Variants in RHEB observed in about 807,000 individuals in gnomAD.
The protein encoded by RHEB is GTP-binding protein Rheb.
A neutral mutation model predicts 28.8 loss-of-function variants in RHEB; 2 were observed. The ratio of observed to expected loss-of-function variants is 0.07; its 90% CI spans 0.03 to 0.22. RHEB has a LOEUF of 0.22. RHEB is among the 10% of genes least tolerant of loss of function. The pLI is 1.00. For synonymous variants in RHEB, 69 were observed against 77.3 expected (o/e 0.89, Z 0.56); for missense variants, 76 against 219.9 (o/e 0.35, Z 4.14).
chr7:151,497,081 C>T (rs1563097922), intron 1 of RHEB, among the ~76,000 whole-genome samples: 2 of 151,976 alleles, frequency 1.3e-5, no homozygotes, highest in Non-Finnish European at 2.9e-5. Context: ...AGCCGCCGCA[C>T]CCAGCCACAA....
chr7:151,503,541 C>G, intron 1 of RHEB: 1 of 632,456 alleles, frequency 1.6e-6, no homozygotes, highest in Non-Finnish European at 2.8e-6. Context: ...TCTAACAGAT[C>G]CCTGCCTTAC....
At chr7:151,515,239 C>T (rs1329621615) in intron 1 of RHEB, among the ~76,000 whole-genome samples, 1 of 152,122 alleles carries the variant, frequency 6.6e-6, no homozygotes, top group Non-Finnish European at 1.5e-5. Flanking sequence ...AAGACGCCAG[C>T]CCCAGAAGAC....
In RHEB at chr7:151,519,825, G is replaced by C. The variant is rs1803153538; in HGVS notation, c.-314C>G. 3.8e-6 allele frequency: 1 copy of C among 259,882 alleles called. No homozygotes were observed. The highest frequency in any genetic ancestry group is 1.6e-4 in the South Asian group (1 of 6,082). 16.1% of individuals were successfully genotyped at this position (259,882 alleles called of 1,614,324 possible). A position where few individuals can be genotyped will look rare whatever the true frequency, so the allele number is the denominator to read the frequency against. On this transcript the variant is annotated 5_prime_UTR_variant, in exon 1 of 8. Coordinates refer to ENST00000262187, the MANE Select transcript of RHEB (RefSeq NM_005614.4). ...CGTCGGGGCGACGTTTTACTTTAAA[G>C]GCAAAAAAAGGGGACGCCGCGATGC... is the stretch of plus-strand genomic sequence containing the variant.
At chr7:151,493,920 C>T (rs1038909568) in intron 1 of RHEB, among the ~76,000 whole-genome samples, 5 of 151,876 alleles carry the variant, frequency 3.3e-5, no homozygotes, top group African/African-American at 1.2e-4. Flanking sequence ...GTTATTTACA[C>T]TGAATGCTAC....
chr7:151,490,275 T>A (rs1802557004), intron 2 of RHEB, among the ~76,000 whole-genome samples: 1 of 152,130 alleles, frequency 6.6e-6, no homozygotes, highest in African/African-American at 2.4e-5. Flanking sequence ...CATGTCTCTT[T>A]AAAAAATAAA....
intron 1 of RHEB, among the ~76,000 whole-genome samples, chr7:151,501,177 GAATGAAA>G: frequency 6.6e-6 from 1 of 152,256 alleles, no homozygotes; most frequent in African/African-American, 2.4e-5. Context: ...CTTGTTAAGG[GAATGAAA>G]AGACAGGCCA....
intron 1 of RHEB, among the ~76,000 whole-genome samples, chr7:151,499,287 G>A (rs145441802): frequency 9.8e-5 from 15 of 152,292 alleles, no homozygotes; most frequent in Admixed American, 7.2e-4. Flanking sequence ...GAACCTGGGA[G>A]GCAGAGGTTG....
rs976277140 is a variant in RHEB, at chr7:151,498,001, C to T, written c.53-6987G>A. On this transcript the variant is annotated intron_variant, in intron 1 of 7. Coordinates refer to ENST00000262187, the MANE Select transcript of RHEB (RefSeq NM_005614.4). ...TACAGGGAACTCTTGCTGGATGCTG[C>T]AGTAGTTGGGTGCCACACACTTGAC... The T allele has an allele frequency of 5.1e-5, 33 of 643,532 alleles. No homozygotes were observed. The Admixed American group carries it at 7.8e-4, about 15-fold the overall frequency. 39.9% of individuals were successfully genotyped at this position (643,532 alleles called of 1,614,324 possible).
chr7:151,512,056 T>C (rs919503803), intron 1 of RHEB, among the ~76,000 whole-genome samples: 2 of 152,236 alleles, frequency 1.3e-5, no homozygotes, highest in African/African-American at 4.8e-5. Context: ...GTGAGTACTG[T>C]ATCAATGTTA....
intron 7 of RHEB, among the ~76,000 whole-genome samples, chr7:151,469,554 T>A (rs1215108103): frequency 6.6e-6 from 1 of 152,156 alleles, no homozygotes; most frequent in African/African-American, 2.4e-5. Flanking sequence ...TACTAGAGTT[T>A]CCTCAGAGAA....
chr7:151,485,190 G>C (rs1239581628), intron 2 of RHEB, among the ~76,000 whole-genome samples: 2 of 152,248 alleles, frequency 1.3e-5, no homozygotes, highest in South Asian at 2.1e-4. Context: ...TTAATTTATA[G>C]GAAGTCTGGC....
chr7:151,498,164 G>A (rs1002976244), intron 1 of RHEB: 34 of 1,289,574 alleles, frequency 2.6e-5, no homozygotes, highest in Non-Finnish European at 3.3e-5. Flanking sequence ...AGGTGCGTAG[G>A]TCCTGGCTTG....
At chr7:151,484,918 G>T in intron 2 of RHEB, 114 bp from the exon 3 acceptor site, 2 of 639,594 alleles carry the variant, frequency 3.1e-6, no homozygotes, top group Non-Finnish European at 5.4e-6. Context: ...TCAGAGAAAG[G>T]CCCCATGAAA....
chr7:151,502,968 C>T, intron 1 of RHEB: 1 of 782,900 alleles, frequency 1.3e-6, no homozygotes, highest in Non-Finnish European at 2.4e-6. Flanking sequence ...ACTGAGTTAT[C>T]TACTGAAGTC....
At chr7:151,479,640 G>A (rs147371237) in intron 3 of RHEB, among the ~76,000 whole-genome samples, 4,960 of 142,110 alleles carry the variant, frequency 0.035, 244 homozygotes, top group African/African-American at 0.12. Flanking sequence ...CCGAGATCGC[G>A]CCACAGCACT....
At chr7:151,478,782 ACAC>A (rs1049555764) in intron 3 of RHEB, among the ~76,000 whole-genome samples, 1 of 152,090 alleles carries the variant, frequency 6.6e-6, no homozygotes, top group Non-Finnish European at 1.5e-5. Context: ...ACTACAGGCT[ACAC>A]CACCACACCT....
chr7:151,494,136 C>A (rs1802634171), intron 1 of RHEB, among the ~76,000 whole-genome samples: 1 of 151,748 alleles, frequency 6.6e-6, no homozygotes, highest in Non-Finnish European at 1.5e-5. Flanking sequence ...GCAAGAGTTA[C>A]AAAGAAAAAA....
chr7:151,503,751 C>T lies in RHEB; in HGVS notation c.53-12737G>A, dbSNP rs1802816725. 1.4e-5 allele frequency among the ~76,000 whole-genome samples: 2 copies of T among 142,740 alleles called. 1 individual carries two copies. The highest frequency in any genetic ancestry group is 4.8e-4 in the South Asian group (2 of 4,146). 93.6% of individuals were successfully genotyped at this position (142,740 alleles called of 152,430 possible). ...TTACTCGATGGTGAAATTCGTTGCT[C>T]TTGTATTTTATGAAAAAAAAAAAAA... On this transcript the variant is annotated intron_variant, in intron 1 of 7. Transcript: ENST00000262187.
chr7:151,504,359 T>C (rs1470510946), intron 1 of RHEB, among the ~76,000 whole-genome samples: 1 of 152,172 alleles, frequency 6.6e-6, no homozygotes, highest in South Asian at 2.1e-4. Context: ...TCCCTTGGTA[T>C]ACAAGGGGGA....
Sources: gnomAD v4.1 joint callset for allele counts (sites outside exome capture counted in the v4.1 genomes callset) on GRCh38, gnomAD v4.1.1 for gene constraint, MANE v1.5 for transcripts, NCBI Gene and HGNC (gene_info 2026-07-23, HGNC 2026-07-21) for gene names.